Variants in MSI2 observed in about 807,000 individuals in gnomAD.
MSI2 encodes musashi RNA binding protein 2.
MSI2 carries 17 observed loss-of-function variants against 45.6 expected under a neutral mutation model. The observed-to-expected ratio is 0.37, with a 90% confidence interval of 0.26 to 0.56. The LOEUF (loss-of-function observed/expected upper bound fraction) is 0.56, where lower values mean the gene tolerates loss of function less well. Among genes scored for constraint, MSI2 ranks in the 20% least tolerant of loss-of-function variants. The pLI, the probability that MSI2 is intolerant of heterozygous loss-of-function variation, is 0.77. For missense variants in MSI2, 293 were observed against 444.2 expected, an observed-to-expected ratio of 0.66 and a Z score of 3.06; for synonymous variants, 156 against 158.2, an observed-to-expected ratio of 0.99 and a Z score of 0.11.
At chr17:57,649,394 A>G (rs769907888) in intron 10 of MSI2, among the ~76,000 whole-genome samples, 3 of 151,068 alleles carry the variant, frequency 2.0e-5, no homozygotes, top group African/African-American at 2.4e-5. Flanking sequence ...ACACACATCC[A>G]TACACCCAAC....
chr17:57,337,631 C>T (rs969778309), intron 5 of MSI2, among the ~76,000 whole-genome samples: 5 of 152,124 alleles, frequency 3.3e-5, no homozygotes, highest in South Asian at 2.1e-4. Flanking sequence ...GCACCACGGT[C>T]GAGTCCTTAG....
intron 6 of MSI2, among the ~76,000 whole-genome samples, chr17:57,441,357 G>A (rs1048088110): frequency 5.3e-5 from 8 of 152,114 alleles, no homozygotes; most frequent in Non-Finnish European, 7.3e-5. Context: ...AAATCCCTTG[G>A]GAGGTGTCCC....
intron 5 of MSI2, chr17:57,268,648 C>T (rs1354442976): frequency 6.6e-6 from 1 of 151,850 alleles, no homozygotes; most frequent in East Asian, 1.9e-4. Flanking sequence ...TCAGCCTGGC[C>T]AAGATGGTGA....
intron 5 of MSI2, among the ~76,000 whole-genome samples, chr17:57,340,685 G>C (rs908256152): frequency 6.6e-6 from 1 of 152,190 alleles, no homozygotes; most frequent in African/African-American, 2.4e-5. Context: ...ACACTGGGAA[G>C]TGTTGTCAGG....
At chr17:57,576,887 C>T (rs1327336235) in intron 7 of MSI2, among the ~76,000 whole-genome samples, 1 of 150,424 alleles carries the variant, frequency 6.6e-6, no homozygotes, top group African/African-American at 2.4e-5. Context: ...GTTAAGTTTT[C>T]TTTGAGGCAA....
At chr17:57,400,015 A>G (rs1369769235) in intron 5 of MSI2, among the ~76,000 whole-genome samples, 1 of 152,240 alleles carries the variant, frequency 6.6e-6, no homozygotes, top group Non-Finnish European at 1.5e-5. Flanking sequence ...CCTATGCTTC[A>G]GCATCCTACA....
chr17:57,432,607 C>T (rs2084618057), intron 6 of MSI2: 1 of 152,904 alleles, frequency 6.5e-6, no homozygotes, highest in Admixed American at 6.5e-5. Flanking sequence ...CAGCCCAGGC[C>T]TCTCCCTGTC....
intron 5 of MSI2, among the ~76,000 whole-genome samples, chr17:57,299,236 A>T (rs538689347): frequency 6.6e-6 from 1 of 152,262 alleles, no homozygotes; most frequent in Non-Finnish European, 1.5e-5. Flanking sequence ...CGTATCAGCA[A>T]TAAGGCTGTC....
rs529961494 is a variant in MSI2 at position 57,492,756 on chromosome 17, C to G, written c.406-36920C>G. Among the ~76,000 whole-genome samples, 23 of 152,276 alleles carry G rather than the reference C, an allele frequency of 1.5e-4. No individual in the cohort carries two copies. The South Asian group carries it at 4.8e-3, about 32-fold the overall frequency. Reference sequence around the variant, plus strand: ...GGATTACAAGCACCTACCACCACACCCAGTTAATTTTTGTATTTTTAGTAG... The same window carrying G: ...GGATTACAAGCACCTACCACCACACGCAGTTAATTTTTGTATTTTTAGTAG... On this transcript the variant is annotated intron_variant, in intron 6 of 13. Transcript: ENST00000284073.
chr17:57,566,857 C>T (rs895963043), intron 7 of MSI2, among the ~76,000 whole-genome samples: 1 of 152,188 alleles, frequency 6.6e-6, no homozygotes, highest in Non-Finnish European at 1.5e-5. Context: ...AGGAGAGTTG[C>T]TGGTGGCTTT....
intron 7 of MSI2, among the ~76,000 whole-genome samples, chr17:57,563,013 G>A (rs1023122003): frequency 2.7e-5 from 4 of 145,744 alleles, no homozygotes; most frequent in East Asian, 4.1e-4. Context: ...CAGGAGAATC[G>A]CTTGAATCCA....
chr17:57,655,934 G>C (rs1911556860), intron 11 of MSI2, among the ~76,000 whole-genome samples: 1 of 152,036 alleles, frequency 6.6e-6, no homozygotes, highest in Admixed American at 6.5e-5. Context: ...AACACCTGTT[G>C]TCCAGTAAAA....
chr17:57,510,626 C>G (rs1178426038), intron 6 of MSI2, among the ~76,000 whole-genome samples: 1 of 151,970 alleles, frequency 6.6e-6, no homozygotes, highest in Non-Finnish European at 1.5e-5. Context: ...CAGGGTTTCA[C>G]CATGTTGGCC....
intron 5 of MSI2, among the ~76,000 whole-genome samples, chr17:57,316,211 G>A (rs1438251774): frequency 6.6e-6 from 1 of 152,126 alleles, no homozygotes; most frequent in East Asian, 1.9e-4. Context: ...ATACTGCTAA[G>A]TAATACATTT....
At position 57,552,886 on chromosome 17, in the gene MSI2, G is replaced by A. The variant is rs1200846715; in HGVS notation, c.454+23162G>A. Among the ~76,000 whole-genome samples, 2 of 152,216 alleles carry A rather than the reference G, an allele frequency of 1.3e-5. No homozygotes were observed. The highest frequency in any genetic ancestry group is 4.8e-5 in the African/African-American group (2 of 41,454). ...AATCACTGCCCCTAGAATTCACAGAGTGGAAGAACCAAGCTTTTTAGGGCT... is the reference window on the plus strand; with the variant it reads ...AATCACTGCCCCTAGAATTCACAGAATGGAAGAACCAAGCTTTTTAGGGCT... On this transcript the variant is annotated intron_variant, in intron 7 of 13. Coordinates refer to ENST00000284073, the MANE Select transcript of MSI2 (RefSeq NM_138962.4). This position sits in a 1 kb window ranked among gnomAD's most constrained non-coding sequence, Gnocchi z 4.3.
At chr17:57,309,097 G>A (rs1392186482) in intron 5 of MSI2, among the ~76,000 whole-genome samples, 1 of 152,182 alleles carries the variant, frequency 6.6e-6, no homozygotes, top group East Asian at 1.9e-4. Context: ...TAGTCTCAAC[G>A]CAGGTTTTCT....
chr17:57,422,619 C>T (rs12937078), intron 6 of MSI2, among the ~76,000 whole-genome samples: 13,695 of 152,224 alleles, frequency 0.09, 719 homozygotes, highest in East Asian at 0.21. Flanking sequence ...CCAGGGCTAG[C>T]AAACTCCAGA....
chr17:57,545,500 A>G (rs775388096), intron 7 of MSI2, among the ~76,000 whole-genome samples: 1 of 152,106 alleles, frequency 6.6e-6, no homozygotes, highest in Non-Finnish European at 1.5e-5. Flanking sequence ...TGCAGCAGCT[A>G]TGGCAGCCGA....
chr17:57,469,837 G>T (rs1001276133), intron 6 of MSI2, among the ~76,000 whole-genome samples: 3 of 152,218 alleles, frequency 2.0e-5, no homozygotes, highest in Non-Finnish European at 4.4e-5. Flanking sequence ...GCATTCCACT[G>T]CTTGTAGCCC....
Sources: gnomAD v4.1 joint callset for allele counts (sites outside exome capture counted in the v4.1 genomes callset) on GRCh38, gnomAD v4.1.1 for gene constraint, Gnocchi (gnomAD v3.1) non-coding constraint, MANE v1.5 for transcripts, NCBI Gene and HGNC (gene_info 2026-07-23, HGNC 2026-07-21) for gene names.